The following MCC variants were observed in gnomAD, a reference collection of about 807,000 sequenced individuals.
MCC encodes the protein colorectal mutant cancer protein.
In MCC, 90 loss-of-function variants were observed where a neutral mutation model predicts 116.2. That is an observed-to-expected ratio of 0.77 (90% CI 0.65 to 0.92). The LOEUF (loss-of-function observed/expected upper bound fraction) is 0.92. Among genes scored for constraint, MCC ranks in the 40% least tolerant of loss-of-function variants. The pLI is 0.00. For synonymous variants in MCC, 578 were observed against 510.5 expected (o/e 1.13, Z -1.78); for missense variants, 1,516 against 1,312.2 (o/e 1.16, Z -2.40).
intron 3 of MCC, among the ~76,000 whole-genome samples, chr5:113,267,852 G>A (rs1421183547): frequency 1.3e-5 from 2 of 151,998 alleles, no homozygotes; most frequent in Non-Finnish European, 2.9e-5. Context: ...TAAGTTGTAT[G>A]GTATATGAAT....
At chr5:113,281,859 G>A (rs1016912024) in intron 3 of MCC, among the ~76,000 whole-genome samples, 5 of 152,146 alleles carry the variant, frequency 3.3e-5, no homozygotes, top group Non-Finnish European at 5.9e-5. Flanking sequence ...AGCTACTAAT[G>A]CTTCTAAGGC....
intron 14 of MCC, among the ~76,000 whole-genome samples, chr5:113,056,766 G>A (rs1360243388): frequency 6.6e-6 from 1 of 152,148 alleles, no homozygotes; most frequent in Non-Finnish European, 1.5e-5. Context: ...ACAGTGCCCA[G>A]CACATAGTAA....
intron 1 of MCC, among the ~76,000 whole-genome samples, chr5:113,472,540 C>T: frequency 6.6e-6 from 1 of 152,162 alleles, no homozygotes; most frequent in East Asian, 1.9e-4. Context: ...AGTGTACATT[C>T]AATGAATGTT....
intron 8 of MCC, among the ~76,000 whole-genome samples, chr5:113,096,421 T>C (rs1471118687): frequency 6.6e-6 from 1 of 152,236 alleles, no homozygotes; most frequent in Non-Finnish European, 1.5e-5. Context: ...TTCCCAGTGA[T>C]TCTGACACAC....
intron 3 of MCC, among the ~76,000 whole-genome samples, chr5:113,152,833 A>G (rs1759960514): frequency 6.7e-6 from 1 of 149,500 alleles, no homozygotes; most frequent in Admixed American, 6.6e-5. Context: ...GAAATCAGGA[A>G]TGCTTAAAAT....
chr5:113,464,227 C>G (rs1771834723), intron 1 of MCC, among the ~76,000 whole-genome samples: 1 of 152,146 alleles, frequency 6.6e-6, no homozygotes, highest in South Asian at 2.1e-4. Context: ...CAAACAGAAT[C>G]AAGCAGGAAA....
chr5:113,167,074 G>A (rs1046143584), intron 3 of MCC, among the ~76,000 whole-genome samples: 1 of 152,180 alleles, frequency 6.6e-6, no homozygotes, highest in African/African-American at 2.4e-5. Flanking sequence ...AGCCCTGCCT[G>A]GGAGTTTGGT....
chr5:113,406,387 A>G (rs1260237319), intron 1 of MCC, among the ~76,000 whole-genome samples: 1 of 152,216 alleles, frequency 6.6e-6, no homozygotes, highest in Non-Finnish European at 1.5e-5. Context: ...CCATCGAATA[A>G]TAATTCTAGT....
At chr5:113,105,714 T>A (rs1756689482) in intron 6 of MCC, among the ~76,000 whole-genome samples, 1 of 152,168 alleles carries the variant, frequency 6.6e-6, no homozygotes, top group Admixed American at 6.5e-5. Context: ...TAAACCATCA[T>A]CATCTCTCAA....
chr5:113,241,149 A>G (rs1040526597), intron 3 of MCC, among the ~76,000 whole-genome samples: 1 of 152,272 alleles, frequency 6.6e-6, no homozygotes, highest in African/African-American at 2.4e-5. Context: ...TAAACTGTAC[A>G]GAAACTCAAC....
chr5:113,085,690 TTTTTTA>T (rs981538549), intron 8 of MCC, among the ~76,000 whole-genome samples: 4 of 152,086 alleles, frequency 2.6e-5, no homozygotes, highest in African/African-American at 4.8e-5. Flanking sequence ...ATGACCATCT[TTTTTTA>T]TTTTTATTTT....
chr5:113,174,053 T>C (rs1561427144), intron 3 of MCC, among the ~76,000 whole-genome samples: 1 of 152,184 alleles, frequency 6.6e-6, no homozygotes, highest in Non-Finnish European at 1.5e-5. Flanking sequence ...AACTCATGCT[T>C]GAGAACTACA....
chr5:113,222,165 A>G (rs1763575858), intron 3 of MCC, among the ~76,000 whole-genome samples: 1 of 152,056 alleles, frequency 6.6e-6, no homozygotes, highest in African/African-American at 2.4e-5. Context: ...TTCTTTTTCT[A>G]TATTTATTAA....
intron 3 of MCC, among the ~76,000 whole-genome samples, chr5:113,285,769 T>C (rs1766232036): frequency 6.6e-6 from 1 of 152,218 alleles, no homozygotes; most frequent in Non-Finnish European, 1.5e-5. Context: ...GTGTACTGTC[T>C]ATGTATCTGT....
At chr5:113,294,809 C>T (rs1455046616) in intron 3 of MCC, 4 of 986,462 alleles carry the variant, frequency 4.1e-6, no homozygotes, top group Non-Finnish European at 4.8e-6. Context: ...GGCGAGCTCC[C>T]GAAAAAACTA....
chr5:113,303,144 C>T (rs563360078), intron 3 of MCC, among the ~76,000 whole-genome samples: 74 of 152,286 alleles, frequency 4.9e-4, no homozygotes, highest in African/African-American at 1.8e-3. Context: ...TCCTATTTGA[C>T]ATCTAAGGGG....
intron 6 of MCC, among the ~76,000 whole-genome samples, chr5:113,113,974 C>A (rs1044585667): frequency 2.0e-5 from 3 of 151,986 alleles, no homozygotes; most frequent in Non-Finnish European, 2.9e-5. Context: ...GTAAAATTCT[C>A]AGGTGTGATG....
chr5:113,321,359 T>A (rs1378455524), intron 3 of MCC, among the ~76,000 whole-genome samples: 1 of 152,218 alleles, frequency 6.6e-6, no homozygotes, highest in Non-Finnish European at 1.5e-5. Flanking sequence ...AATTTTTAGA[T>A]CTTGGTTTCT....
intron 11 of MCC, among the ~76,000 whole-genome samples, chr5:113,076,100 G>C (rs924590388): frequency 6.6e-6 from 1 of 152,136 alleles, no homozygotes; most frequent in Non-Finnish European, 1.5e-5. Flanking sequence ...GAGGGTCCAC[G>C]GCTTCATTCT....
Sources: gnomAD v4.1 joint callset for allele counts (sites outside exome capture counted in the v4.1 genomes callset) on GRCh38, gnomAD v4.1.1 for gene constraint, MANE v1.5 for transcripts, NCBI Gene and HGNC (gene_info 2026-07-23, HGNC 2026-07-21) for gene names.